SPATA13: variants seen among roughly 807,000 people sequenced by gnomAD.
SPATA13 encodes spermatogenesis associated 13, also known as spermatogenesis-associated protein 13.
SPATA13 carries 50 observed loss-of-function variants against 104.0 expected under a neutral mutation model. That is an observed-to-expected ratio of 0.48 (90% confidence interval 0.38 to 0.61). The LOEUF (loss-of-function observed/expected upper bound fraction) is 0.61. Among genes scored for constraint, SPATA13 ranks in the 20% least tolerant of loss-of-function variants. The pLI, the probability that SPATA13 is intolerant of heterozygous loss-of-function variation, is 0.00. For missense variants in SPATA13, 1,524 were observed against 1,690.6 expected, an observed-to-expected ratio of 0.90 and a Z score of 1.73; for synonymous variants, 606 against 667.5, an observed-to-expected ratio of 0.91 and a Z score of 1.42.
Position 24,251,809 on chromosome 13 carries a change from C to T in SPATA13, c.2111C>T (p.Thr704Ile). 2 of 1,614,184 alleles carry T rather than the reference C, an allele frequency of 1.2e-6. No homozygotes were observed. Among genetic ancestry groups the T allele is most frequent in the South Asian group, 1.1e-5 (1 of 91,084 alleles). ...CGGCCCTTCACATTCTCCCAGAGCA[C>T]CCCCATTGGGTTGGACCGTGTGGGA... ...RFRPFTFSQS[T>I]PIGLDRVGRR... The change falls in exon 4 of 13, where the codon ACC becomes ATC. Residue 704 changes from threonine (T) to isoleucine (I), a missense_variant. This residue lies in a region of SPATA13 where 1,089 missense variants were observed against 1,135.9 expected (regional missense o/e 0.96). Transcript: ENST00000382108.
chr13:24,117,151 C>A (rs956799131), intron 3 of SPATA13, among the ~76,000 whole-genome samples: 2 of 152,130 alleles, frequency 1.3e-5, no homozygotes, highest in East Asian at 3.8e-4. Context: ...TTTATAAAAA[C>A]AAAACAAGAG....
At chr13:24,143,454 G>A (rs550051636) in intron 3 of SPATA13, among the ~76,000 whole-genome samples, 23 of 152,296 alleles carry the variant, frequency 1.5e-4, no homozygotes, top group South Asian at 6.2e-4. Context: ...TGCTGGCAGT[G>A]CTCTCATTCC....
chr13:24,190,247 C>G (rs71425114), intron 1 of SPATA13, among the ~76,000 whole-genome samples: 1 of 234 alleles, frequency 4.3e-3, no homozygotes, highest in African/African-American at 0.019. Context: ...TATAACATAT[C>G]ATATATAATA....
chr13:24,275,856 C>A (rs796913160), intron 4 of SPATA13, among the ~76,000 whole-genome samples: 1 of 152,212 alleles, frequency 6.6e-6, no homozygotes, highest in African/African-American at 2.4e-5. Context: ...ATCTCTGGAA[C>A]CCTGGAGGCA....
At chr13:24,180,603 C>T (rs1224303621) in intron 1 of SPATA13, among the ~76,000 whole-genome samples, 1 of 152,116 alleles carries the variant, frequency 6.6e-6, no homozygotes, top group Non-Finnish European at 1.5e-5. Flanking sequence ...TTAACAATAC[C>T]AAGTCTCTCC....
intron 2 of SPATA13, among the ~76,000 whole-genome samples, chr13:23,986,247 A>C (rs1875145323): frequency 6.6e-6 from 1 of 152,178 alleles, no homozygotes; most frequent in East Asian, 1.9e-4. Flanking sequence ...AACAAGCAAA[A>C]TGTTATTTTT....
intron 3 of SPATA13, among the ~76,000 whole-genome samples, chr13:24,070,375 A>G (rs915959181): frequency 1.3e-5 from 2 of 152,124 alleles, no homozygotes; most frequent in Admixed American, 6.5e-5. Flanking sequence ...CACTTCCCTC[A>G]GGGTAGGGAT....
intron 3 of SPATA13, among the ~76,000 whole-genome samples, chr13:24,058,647 T>C (rs751374264): frequency 6.6e-6 from 1 of 151,928 alleles, no homozygotes; most frequent in South Asian, 2.1e-4. Context: ...ATTATGAAAT[T>C]CAGATAATTT....
chr13:24,151,955 A>G (rs1043101393), intron 3 of SPATA13, among the ~76,000 whole-genome samples: 1 of 152,226 alleles, frequency 6.6e-6, no homozygotes, highest in Non-Finnish European at 1.5e-5. Flanking sequence ...AGAAAGGCAT[A>G]AAGCTGTGAA....
chr13:24,086,225 C>A (rs1433120142), intron 3 of SPATA13, among the ~76,000 whole-genome samples: 1 of 152,168 alleles, frequency 6.6e-6, no homozygotes. Context: ...AGATAAACAA[C>A]AAATATCTTT....
intron 2 of SPATA13, among the ~76,000 whole-genome samples, chr13:24,233,703 A>G (rs185977607): frequency 1.3e-5 from 2 of 152,304 alleles, no homozygotes; most frequent in Admixed American, 1.3e-4. Context: ...GAAAGTTTCA[A>G]AGTATTTCTG....
At chr13:24,183,559 A>G (rs961101491) in intron 1 of SPATA13, among the ~76,000 whole-genome samples, 6 of 152,062 alleles carry the variant, frequency 3.9e-5, no homozygotes, top group Non-Finnish European at 7.4e-5. Context: ...AATGGGGCCC[A>G]ACACAAATTC....
chr13:24,269,066 C>T (rs1358470941), intron 4 of SPATA13, among the ~76,000 whole-genome samples: 2 of 152,190 alleles, frequency 1.3e-5, no homozygotes, highest in Admixed American at 1.3e-4. Flanking sequence ...TAAGGGACCT[C>T]AGGTTTTTTG....
At chr13:24,013,352 T>C (rs1364902681) in intron 2 of SPATA13, among the ~76,000 whole-genome samples, 3 of 152,192 alleles carry the variant, frequency 2.0e-5, no homozygotes, top group African/African-American at 2.4e-5. Flanking sequence ...CCCACTGGGC[T>C]GACGATCCTC....
intron 3 of SPATA13, among the ~76,000 whole-genome samples, chr13:24,148,894 A>G (rs969594212): frequency 6.6e-6 from 1 of 151,292 alleles, no homozygotes; most frequent in Non-Finnish European, 1.5e-5. Flanking sequence ...CGGCTTGTTT[A>G]TTATTCATGG....
intron 3 of SPATA13, among the ~76,000 whole-genome samples, chr13:24,042,694 A>G (rs1163770970): frequency 1.3e-5 from 2 of 152,228 alleles, no homozygotes; most frequent in Non-Finnish European, 2.9e-5. Context: ...TGCATTGTGC[A>G]TGCATATAAT....
chr13:23,992,334 A>G (rs551015177), intron 2 of SPATA13, among the ~76,000 whole-genome samples: 4 of 152,346 alleles, frequency 2.6e-5, no homozygotes, highest in African/African-American at 9.6e-5. Flanking sequence ...TGTGAAAATT[A>G]TATAAAATAA....
At position 24,223,525 on chromosome 13, in the gene SPATA13, G is replaced by A. The variant is rs1213703824; in HGVS notation, c.596G>A (p.Arg199His). 3.9e-6 allele frequency: 6 copies of A among 1,548,224 alleles called. No homozygotes were observed. The highest frequency in any genetic ancestry group is 5.2e-6 in the Non-Finnish European group (6 of 1,146,990). Residue 199 changes from arginine to histidine, a missense_variant, in exon 2 of 13, where the codon CGC becomes CAC. Physicochemically the swap from Arg to His is conservative, Grantham distance 29. Transcript: ENST00000382108. Reference protein sequence around the residue: ...TDDAFQRSTHRSRSLRRAYGL... With the variant: ...TDDAFQRSTHHSRSLRRAYGL... ...GATGCCTTCCAGCGGAGCACACACC[G>A]CTCCCGCAGCCTCCGCAGAGCCTAC...
At position 24,134,084 on chromosome 13, in the gene SPATA13, G is replaced by A. The variant is rs370526129; in HGVS notation, c.-111-88735G>A. On this transcript the variant is annotated intron_variant, in intron 3 of 14. Transcript: ENST00000424834. Reference sequence around the variant, plus strand: ...GGAAGATGTAGCAAATGGTCCAAACGGAGTGACAAGGTAGAATGGTACCCA... The same window carrying A: ...GGAAGATGTAGCAAATGGTCCAAACAGAGTGACAAGGTAGAATGGTACCCA... 8.7e-4 allele frequency among the ~76,000 whole-genome samples: 132 copies of A among 152,260 alleles called. 2 individuals are homozygous for A. The South Asian group carries it at 0.026, about 30-fold the overall frequency.
Sources: gnomAD v4.1 joint callset for allele counts (sites outside exome capture counted in the v4.1 genomes callset) on GRCh38, gnomAD v4.1.1 for gene constraint, gnomAD v4.1.1 regional missense constraint, MANE v1.5 for transcripts, NCBI Gene and HGNC (gene_info 2026-07-23, HGNC 2026-07-21) for gene names.